The following RASAL2 variants were observed in gnomAD, a reference collection of about 807,000 sequenced individuals.
RASAL2 encodes the protein RAS protein activator like 2.
RASAL2 carries 58 observed loss-of-function variants against 128.9 expected under a neutral mutation model. The ratio of observed to expected loss-of-function variants is 0.45; its 90% confidence interval spans 0.36 to 0.56. The LOEUF is 0.56. Ranked by LOEUF, RASAL2 falls within the 20% of genes least tolerant of loss-of-function variation. The pLI is 0.00. For missense variants in RASAL2, 1,360 were observed against 1,601.6 expected (o/e 0.85, Z 2.57); for synonymous variants, 561 against 580.8 (o/e 0.97, Z 0.49).
At chr1:178,287,296 T>G (rs1419414047) in intron 2 of RASAL2, among the ~76,000 whole-genome samples, 2 of 151,908 alleles carry the variant, frequency 1.3e-5, no homozygotes, top group Non-Finnish European at 2.9e-5. Flanking sequence ...ATAATGCTGC[T>G]TGGCAATCAC....
intron 3 of RASAL2, among the ~76,000 whole-genome samples, chr1:178,329,881 T>TC (rs750758320): frequency 7.2e-5 from 11 of 151,952 alleles, no homozygotes; most frequent in Non-Finnish European, 1.5e-4. Flanking sequence ...ACAAAGGTTA[T>TC]CCCCAGAATC....
In RASAL2 at chr1:178,475,487, A is replaced by G. The variant is rs1449476329; in HGVS notation, c.*2248A>G. 1 of 152,190 alleles carries G rather than the reference A, an allele frequency of 6.6e-6. No individual in the cohort carries two copies. Among genetic ancestry groups the G allele is most frequent in the African/African-American group, 2.4e-5 (1 of 41,458 alleles). The allele number at this position is 152,190 out of a possible 1,614,324, so 9.4% of individuals were successfully genotyped here. ...GCCATGTTTAATTCATTCTTTGTAA[A>G]AGCCTTCAATTGTGCCACAGAAAAC... On this transcript the variant is annotated 3_prime_UTR_variant, in exon 18 of 18. Transcript: ENST00000367649.
chr1:178,443,848 C>G lies in RASAL2; in HGVS notation c.1482+619C>G, dbSNP rs185374824. Among the ~76,000 whole-genome samples, 31 of 152,178 alleles carry G rather than the reference C, an allele frequency of 2.0e-4. No individual in the cohort carries two copies. The East Asian group carries it at 5.0e-3, about 25-fold the overall frequency. On this transcript the variant is annotated intron_variant, in intron 8 of 17. Coordinates refer to ENST00000367649, the MANE Select transcript of RASAL2 (RefSeq NM_170692.4). ...AAGAACAAAAACTAGTTGAGAGAGTCTTTGACCTATGAAGGATATTAACTA... is the reference window on the plus strand; with the variant it reads ...AAGAACAAAAACTAGTTGAGAGAGTGTTTGACCTATGAAGGATATTAACTA...
At chr1:178,313,320 T>C (rs1416681441) in intron 3 of RASAL2, among the ~76,000 whole-genome samples, 1 of 152,144 alleles carries the variant, frequency 6.6e-6, no homozygotes, top group African/African-American at 2.4e-5. Context: ...AATTTTAAAG[T>C]ATCAACAAAG....
At chr1:178,202,689 G>A (rs1320546781) in intron 1 of RASAL2, among the ~76,000 whole-genome samples, 4 of 152,186 alleles carry the variant, frequency 2.6e-5, no homozygotes, top group Admixed American at 1.3e-4. Context: ...TATGTGGATG[G>A]GCCTCTCTGA....
chr1:178,431,259 A>G (rs914414914), intron 5 of RASAL2, among the ~76,000 whole-genome samples: 1 of 152,160 alleles, frequency 6.6e-6, no homozygotes, highest in Admixed American at 6.6e-5. Flanking sequence ...AATTTTAACA[A>G]TTAGGAAAAT....
chr1:178,457,137 T>G (rs1291685550), intron 13 of RASAL2, among the ~76,000 whole-genome samples: 1 of 152,222 alleles, frequency 6.6e-6, no homozygotes, highest in Non-Finnish European at 1.5e-5. Context: ...TTTTTAAAAT[T>G]TCTGTCTTGC....
chr1:178,451,830 G>A, intron 10 of RASAL2, 115 bp downstream of exon 10: 2 of 1,316,818 alleles, frequency 1.5e-6, no homozygotes, highest in Non-Finnish European at 2.1e-6. Flanking sequence ...TACAACCAAA[G>A]GGGAGGGTCT....
chr1:178,154,293 T>C (rs1004815700), intron 1 of RASAL2, among the ~76,000 whole-genome samples: 1 of 152,062 alleles, frequency 6.6e-6, no homozygotes, highest in Non-Finnish European at 1.5e-5. Context: ...ACTATAACTA[T>C]GCATCACCAC....
intron 9 of RASAL2, among the ~76,000 whole-genome samples, chr1:178,446,335 G>A (rs1237609317): frequency 6.6e-6 from 1 of 152,130 alleles, no homozygotes; most frequent in Non-Finnish European, 1.5e-5. Flanking sequence ...ACACACTGTT[G>A]AGCAGCACTG....
intron 1 of RASAL2, among the ~76,000 whole-genome samples, chr1:178,118,984 C>T (rs978709119): frequency 3.9e-5 from 6 of 152,090 alleles, no homozygotes; most frequent in Admixed American, 3.3e-4. Flanking sequence ...TCTTCTGTCT[C>T]AGCCTCCCAA....
intron 3 of RASAL2, among the ~76,000 whole-genome samples, chr1:178,320,336 C>T (rs1668700900): frequency 6.6e-6 from 1 of 152,232 alleles, no homozygotes; most frequent in South Asian, 2.1e-4. Flanking sequence ...TTCGAGCTTC[C>T]CGGCTGCTTT....
At chr1:178,261,660 C>T (rs191492388) in intron 1 of RASAL2, among the ~76,000 whole-genome samples, 198 of 152,168 alleles carry the variant, frequency 1.3e-3, no homozygotes, top group African/African-American at 4.5e-3. Flanking sequence ...GGTGACTCAA[C>T]GCGTGTAATC....
rs140668234 is a variant in RASAL2, at chr1:178,211,367, C to T, written c.203-72197C>T. ...TCCCTTTCCCATCTAATTTCCTGCTCGTTGCCAGAAAGAGCTTTCTTAAAA... is the reference window on the plus strand; with the variant it reads ...TCCCTTTCCCATCTAATTTCCTGCTTGTTGCCAGAAAGAGCTTTCTTAAAA... On this transcript the variant is annotated intron_variant, in intron 1 of 17. Coordinates refer to ENST00000367649, the MANE Select transcript of RASAL2 (RefSeq NM_170692.4). 5.4e-4 allele frequency among the ~76,000 whole-genome samples: 82 copies of T among 152,192 alleles called. No homozygotes were observed. The Middle Eastern group carries it at 0.014, about 25-fold the overall frequency.
chr1:178,116,833 A>C (rs1318051188), intron 1 of RASAL2, among the ~76,000 whole-genome samples: 2 of 152,044 alleles, frequency 1.3e-5, no homozygotes, highest in Non-Finnish European at 2.9e-5. Flanking sequence ...GATGACCTTG[A>C]TCTCCTGACC....
intron 3 of RASAL2, among the ~76,000 whole-genome samples, chr1:178,317,596 T>G (rs1284450625): frequency 6.7e-6 from 1 of 149,860 alleles, no homozygotes; most frequent in African/African-American, 2.5e-5. Context: ...GTTTGTAGTA[T>G]TCTCTGATGG....
intron 1 of RASAL2, among the ~76,000 whole-genome samples, chr1:178,110,824 G>A (rs941044837): frequency 1.4e-4 from 21 of 151,598 alleles, no homozygotes; most frequent in Admixed American, 7.2e-4. Context: ...CTGAGCTCAG[G>A]CAATCCGTCT....
chr1:178,094,668 A>G lies in RASAL2; in HGVS notation c.176A>G (p.Gln59Arg). The G allele has an allele frequency of 6.2e-7, 1 of 1,614,108 alleles. No homozygotes were observed. Among genetic ancestry groups the G allele is most frequent in the East Asian group, 2.2e-5 (1 of 44,884 alleles). Residue 59 changes from glutamine to arginine, a missense_variant, in exon 1 of 18, where the codon CAG (glutamine) becomes CGG (arginine). Coordinates refer to ENST00000367649, the MANE Select transcript of RASAL2 (RefSeq NM_170692.4). ...LDRILLESVC[Q>R]QQSWVRVYDV... ...CGGATCCTTCTGGAGTCCGTGTGCC[A>G]GCAACAGAGCTGGGTCCGGGTGTAC... is the stretch of plus-strand genomic sequence containing the variant.
chr1:178,199,259 C>T (rs763103566), intron 1 of RASAL2, among the ~76,000 whole-genome samples: 37 of 152,218 alleles, frequency 2.4e-4, no homozygotes, highest in Non-Finnish European at 4.6e-4. Context: ...TTGCGCTTCC[C>T]GGGTGAGGTG....
Sources: allele counts gnomAD v4.1 joint callset (sites outside exome capture counted in the v4.1 genomes callset), GRCh38; gene constraint gnomAD v4.1.1; transcripts MANE v1.5; gene names NCBI Gene and HGNC (gene_info 2026-07-23, HGNC 2026-07-21).